The following MARCHF3 variants were observed in gnomAD, a reference collection of about 807,000 sequenced individuals.
MARCHF3 encodes the protein E3 ubiquitin-protein ligase MARCHF3.
A neutral mutation model predicts 24.2 loss-of-function variants in MARCHF3; 13 were observed. That is an observed-to-expected ratio of 0.54 (90% CI 0.35 to 0.85). MARCHF3 has a LOEUF of 0.85. Ranked by LOEUF, MARCHF3 falls within the 40% of genes least tolerant of loss-of-function variation. MARCHF3 has a pLI of 0.01. For missense variants in MARCHF3, 276 were observed against 325.0 expected (o/e 0.85, Z 1.16); for synonymous variants, 144 against 137.3 (o/e 1.05, Z -0.34).
At chr5:126,929,400 G>C (rs927116110) in intron 1 of MARCHF3, among the ~76,000 whole-genome samples, 2 of 152,162 alleles carry the variant, frequency 1.3e-5, no homozygotes, top group African/African-American at 4.8e-5. Context: ...GAAGTCCCCA[G>C]GTACACAATT....
intron 1 of MARCHF3, among the ~76,000 whole-genome samples, chr5:127,001,874 T>G (rs1353752501): frequency 6.6e-6 from 1 of 152,176 alleles, no homozygotes; most frequent in East Asian, 1.9e-4. Flanking sequence ...GAGGAATAAT[T>G]TGGATTTGTA....
Position 127,003,142 on chromosome 5 carries a change from A to T in MARCHF3, c.-57+27208T>A, listed in dbSNP as rs76323770. ...AAGAAAGAAAAAAGAAAAAAAAAAA[A>T]GCTCAGAGGTGGAAGCTTGGTAAGT... On this transcript the variant is annotated intron_variant, in intron 1 of 4. Coordinates refer to ENST00000308660, the MANE Select transcript of MARCHF3 (RefSeq NM_178450.5). 2.0e-5 allele frequency among the ~76,000 whole-genome samples: 3 copies of T among 151,384 alleles called. No homozygotes were observed. In the South Asian group the frequency reaches 6.3e-4, roughly 32 times the overall value.
At chr5:126,886,373 G>T (rs1357915808) in intron 3 of MARCHF3, among the ~76,000 whole-genome samples, 3 of 152,168 alleles carry the variant, frequency 2.0e-5, no homozygotes, top group Non-Finnish European at 4.4e-5. Flanking sequence ...GCAGCACCTT[G>T]CTGGGGATAA....
intron 1 of MARCHF3, among the ~76,000 whole-genome samples, chr5:126,944,911 C>T (rs777455747): frequency 1.3e-4 from 20 of 152,288 alleles, no homozygotes; most frequent in African/African-American, 3.1e-4. Flanking sequence ...TAGCCCTTAT[C>T]CTTGCCTCTC....
chr5:126,932,524 T>C (rs1276489324), intron 1 of MARCHF3, among the ~76,000 whole-genome samples: 1 of 152,166 alleles, frequency 6.6e-6, no homozygotes, highest in Non-Finnish European at 1.5e-5. Flanking sequence ...GATGGCATGA[T>C]CCTGGGCTGG....
chr5:126,991,745 G>A (rs1751770212), intron 1 of MARCHF3, among the ~76,000 whole-genome samples: 1 of 151,618 alleles, frequency 6.6e-6, no homozygotes, highest in Admixed American at 6.6e-5. Context: ...AAACCTAGTG[G>A]CATGACAGCT....
At chr5:127,008,965 G>C (rs1383470276) in intron 1 of MARCHF3, among the ~76,000 whole-genome samples, 1 of 151,826 alleles carries the variant, frequency 6.6e-6, no homozygotes, top group East Asian at 1.9e-4. Flanking sequence ...AAGGATGAGA[G>C]AGGAGGTGTT....
intron 1 of MARCHF3, among the ~76,000 whole-genome samples, chr5:126,981,365 G>T (rs1394113892): frequency 6.6e-6 from 1 of 152,172 alleles, no homozygotes. Flanking sequence ...TCCAATCCAT[G>T]AGCATCTTGG....
rs746008873 is a variant in MARCHF3 at position 126,870,706 on chromosome 5, T to C, written c.689A>G (p.Asn230Ser). Reference sequence around the variant, plus strand: ...CAAGGACGGCTGGTTAGAAGGTACATTGACAGACTTTGGAATGAGGAGAAT... The same window carrying C: ...CAAGGACGGCTGGTTAGAAGGTACACTGACAGACTTTGGAATGAGGAGAAT... The part of the protein sequence containing the change: ...RVILLIPKSV[N>S]VPSNQPSLLG... Residue 230 changes from asparagine to serine, a missense_variant, in exon 5 of 5, where the codon AAT (asparagine) becomes AGT (serine). Coordinates refer to ENST00000308660, the MANE Select transcript of MARCHF3 (RefSeq NM_178450.5). 5.0e-6 allele frequency: 8 copies of C among 1,614,034 alleles called. No individual in the cohort carries two copies. In the Admixed American group the frequency reaches 5.0e-5, roughly 10 times the overall value.
chr5:126,908,095 G>T (rs1388978781), intron 3 of MARCHF3, among the ~76,000 whole-genome samples: 1 of 152,006 alleles, frequency 6.6e-6, no homozygotes, highest in Non-Finnish European at 1.5e-5. Context: ...AGTTTGGCTG[G>T]ATATGAAATT....
chr5:126,997,457 A>G (rs1751985918), intron 1 of MARCHF3, among the ~76,000 whole-genome samples: 1 of 152,058 alleles, frequency 6.6e-6, no homozygotes, highest in African/African-American at 2.4e-5. Flanking sequence ...CAATTTGGTG[A>G]GGACTTGTCT....
At chr5:126,891,752 G>A (rs1753700659) in intron 3 of MARCHF3, among the ~76,000 whole-genome samples, 1 of 143,888 alleles carries the variant, frequency 6.9e-6, no homozygotes, top group African/African-American at 2.7e-5. Context: ...TTTTGGCTTA[G>A]GATTGACTTG....
intron 3 of MARCHF3, among the ~76,000 whole-genome samples, chr5:126,898,036 G>C (rs1008273855): frequency 6.6e-6 from 1 of 152,038 alleles, no homozygotes; most frequent in Non-Finnish European, 1.5e-5. Flanking sequence ...TGCCTAGGCT[G>C]GGGGTGGGGG....
intron 1 of MARCHF3, among the ~76,000 whole-genome samples, chr5:126,998,563 C>T (rs150851775): frequency 2.6e-5 from 4 of 152,252 alleles, no homozygotes; most frequent in South Asian, 2.1e-4. Context: ...CAGGTGGAGA[C>T]AGCTGCAAAT....
intron 1 of MARCHF3, among the ~76,000 whole-genome samples, chr5:127,014,193 T>G (rs1368286727): frequency 1.3e-5 from 2 of 151,920 alleles, no homozygotes; most frequent in Admixed American, 6.6e-5. Flanking sequence ...CTCAAACAAC[T>G]CAATAGCAAA....
intron 1 of MARCHF3, among the ~76,000 whole-genome samples, chr5:126,997,349 G>A (rs1356856261): frequency 6.6e-6 from 1 of 152,124 alleles, no homozygotes; most frequent in Non-Finnish European, 1.5e-5. Context: ...TGGGGATTAG[G>A]GTTTGGATGG....
chr5:126,962,813 CTG>C (rs60754212), intron 1 of MARCHF3, among the ~76,000 whole-genome samples: 7,633 of 110,014 alleles, frequency 0.069, 369 homozygotes, highest in South Asian at 0.2. Flanking sequence ...AATACTCAAC[CTG>C]TGTGTGTGTG....
chr5:126,907,649 C>T (rs1754349718), intron 3 of MARCHF3, among the ~76,000 whole-genome samples: 1 of 146,732 alleles, frequency 6.8e-6, no homozygotes, highest in Non-Finnish European at 1.5e-5. Context: ...CAACCCCTGC[C>T]TTTTTTTGTT....
At chr5:126,913,976 CTT>C (rs1169856446) in intron 3 of MARCHF3, among the ~76,000 whole-genome samples, 41 of 107,904 alleles carry the variant, frequency 3.8e-4, no homozygotes, top group African/African-American at 1.4e-3. Context: ...CAATATCCAA[CTT>C]TTTTTTTTTT....
Sources: allele counts gnomAD v4.1 joint callset (sites outside exome capture counted in the v4.1 genomes callset), GRCh38; gene constraint gnomAD v4.1.1; transcripts MANE v1.5; gene names NCBI Gene and HGNC (gene_info 2026-07-23, HGNC 2026-07-21).